Variants in GFI1B observed in about 807,000 individuals in gnomAD.
The protein encoded by GFI1B is growth factor independent 1B transcriptional repressor.
A neutral mutation model predicts 35.3 loss-of-function variants in GFI1B; 20 were observed. That is an observed-to-expected ratio of 0.57 (90% CI 0.40 to 0.82). The LOEUF is 0.82. GFI1B is among the 40% of genes least tolerant of loss of function. GFI1B has a pLI of 0.00. For synonymous variants in GFI1B, 178 were observed against 177.6 expected (o/e 1.00, Z -0.02); for missense variants, 430 against 446.3 (o/e 0.96, Z 0.33).
At chr9:132,945,739 C>T (rs1848067086) in intron 1 of GFI1B, 1 of 153,030 alleles carries the variant, frequency 6.5e-6, no homozygotes, top group African/African-American at 2.4e-5. Context: ...CGGTTTTTAC[C>T]ATTAAAACCG....
At chr9:132,968,306 G>C (rs1416516961) in intron 1 of GFI1B, among the ~76,000 whole-genome samples, 1 of 151,204 alleles carries the variant, frequency 6.6e-6, no homozygotes, top group East Asian at 1.9e-4. Context: ...TTTTTTAGTA[G>C]AGACGAGGCC....
At chr9:132,970,719 A>G (rs2132609142) in intron 1 of GFI1B, among the ~76,000 whole-genome samples, 1 of 152,292 alleles carries the variant, frequency 6.6e-6, no homozygotes, top group South Asian at 2.1e-4. Flanking sequence ...GATGAGGCGT[A>G]TAAAGCCCCT....
intron 1 of GFI1B, among the ~76,000 whole-genome samples, chr9:132,950,716 CACTAT>C (rs1848189464): frequency 1.3e-5 from 2 of 148,768 alleles, no homozygotes; most frequent in Non-Finnish European, 3.0e-5. Context: ...CACTACACTA[CACTAT>C]ACACTATACA....
chr9:132,962,943 G>C (rs939555642), intron 1 of GFI1B, among the ~76,000 whole-genome samples: 1 of 147,630 alleles, frequency 6.8e-6, no homozygotes, highest in Non-Finnish European at 1.5e-5. Context: ...ATAGCCAGGC[G>C]TGGTGGCACC....
chr9:132,958,482 C>T (rs1251633285), intron 1 of GFI1B, among the ~76,000 whole-genome samples: 2 of 152,124 alleles, frequency 1.3e-5, no homozygotes, highest in Non-Finnish European at 2.9e-5. Flanking sequence ...AAGAAAGAGA[C>T]AGCGAGGAGG....
In GFI1B at chr9:132,988,234, C is replaced by T. The variant is rs778039091; in HGVS notation, c.276C>T (p.Asp92=). The change falls in exon 4 of 7, where the codon GAC becomes GAT. Residue 92 remains aspartate, a synonymous_variant. Transcript: ENST00000372122. Reference sequence around the variant, plus strand: ...TGCTGTCCCGACCCCAGGATGGGGACTCTCCACTGTCCGACTCACCCCCAT... The same window carrying T: ...TGCTGTCCCGACCCCAGGATGGGGATTCTCCACTGTCCGACTCACCCCCAT... ...PIVLSRPQDG[D]SPLSDSPPFY... 2.5e-6 allele frequency: 4 copies of T among 1,613,812 alleles called. No homozygotes were observed. The highest frequency in any genetic ancestry group is 1.7e-5 in the Admixed American group (1 of 60,000).
At chr9:132,976,475 GT>G (rs1332501706), upstream of GFI1B, 6 of 152,220 alleles carry the variant, frequency 3.9e-5, no homozygotes, top group African/African-American at 1.2e-4. Flanking sequence ...CTCAAGATGT[GT>G]CCCTGGCTGG....
At chr9:132,983,490 C>T (rs556427718) in intron 1 of GFI1B, among the ~76,000 whole-genome samples, 23 of 152,216 alleles carry the variant, frequency 1.5e-4, no homozygotes, top group African/African-American at 2.9e-4. Context: ...CCACTGCACC[C>T]GGCCTGATTT....
chr9:132,985,093 C>A (rs916285007), intron 1 of GFI1B, among the ~76,000 whole-genome samples: 2 of 152,214 alleles, frequency 1.3e-5, no homozygotes, highest in African/African-American at 4.8e-5. Context: ...ACTCCTCTGA[C>A]GCCTCAGGCA....
At chr9:132,968,801 T>A (rs117432192) in intron 1 of GFI1B, among the ~76,000 whole-genome samples, 307 of 152,292 alleles carry the variant, frequency 2.0e-3, no homozygotes, top group Non-Finnish European at 3.7e-3. Context: ...TTAATTGTTA[T>A]AAAGTACACA....
chr9:132,967,942 G>A (rs898413414), intron 1 of GFI1B, among the ~76,000 whole-genome samples: 9 of 151,842 alleles, frequency 5.9e-5, no homozygotes, highest in African/African-American at 2.2e-4. Context: ...CACCACGCCC[G>A]GCTAATTTTT....
rs772087209 is a variant in GFI1B, at chr9:132,991,056, C to T, written c.*6C>T. 3.2e-5 allele frequency: 52 copies of T among 1,611,730 alleles called. No individual in the cohort carries two copies. In the Admixed American group the frequency reaches 6.0e-4, roughly 19 times the overall value. ...GCCAGCACAATCTCAAGTGAGGCTG[C>T]GCCGGCTCCCAGCTCCTGGCCAGCC... On this transcript the variant is annotated 3_prime_UTR_variant, in exon 7 of 7. Coordinates refer to ENST00000372122, the MANE Select transcript of GFI1B (RefSeq NM_001377304.1).
At position 132,954,503 on chromosome 9, in the gene GFI1B, A is replaced by C. The variant is rs540002805; in HGVS notation, c.-701+8834A>C. Among the ~76,000 whole-genome samples, 26 of 150,126 alleles carry C rather than the reference A, an allele frequency of 1.7e-4. 1 individual carries two copies. In the South Asian group the frequency reaches 5.6e-3, roughly 32 times the overall value. ...GGCAAGAGAATCACTTGAACCCAGG[A>C]GGCAGAAGTTGCAGTGAGCTGAGAT... On this transcript the variant is annotated intron_variant, in intron 1 of 10. Coordinates refer to the GFI1B transcript ENST00000339463.
At position 132,988,373 on chromosome 9, in the gene GFI1B, G is replaced by C. The variant is rs140090505; in HGVS notation, c.415G>C (p.Gly139Arg). The change falls in exon 4 of 7, where the codon GGC (glycine) becomes CGC (arginine). Residue 139 changes from glycine (G) to arginine (R), a missense_variant. Physicochemically the swap from Gly to Arg is moderately radical, Grantham distance 125. Coordinates refer to ENST00000372122, the MANE Select transcript of GFI1B (RefSeq NM_001377304.1). ...CCTGGAGCACTCCGTCAGCCTGTACGGCAGTCCTCTTGTGCCCAGCACTGA... is the reference window on the plus strand; with the variant it reads ...CCTGGAGCACTCCGTCAGCCTGTACCGCAGTCCTCTTGTGCCCAGCACTGA... The part of the protein sequence containing the change: ...AFLEHSVSLY[G>R]SPLVPSTEPA... The C allele has an allele frequency of 6.2e-6, 10 of 1,613,994 alleles. No individual in the cohort carries two copies. Among genetic ancestry groups the C allele is most frequent in the Non-Finnish European group, 8.5e-6 (10 of 1,179,970 alleles).
chr9:132,961,077 C>T (rs1280767187), intron 1 of GFI1B, among the ~76,000 whole-genome samples: 1 of 152,156 alleles, frequency 6.6e-6, no homozygotes, highest in African/African-American at 2.4e-5. Context: ...TCCCTCTCCA[C>T]ACCCTACACC....
intron 1 of GFI1B, among the ~76,000 whole-genome samples, chr9:132,970,140 T>C (rs947309220): frequency 6.6e-6 from 1 of 152,122 alleles, no homozygotes; most frequent in Non-Finnish European, 1.5e-5. Flanking sequence ...TGCAAAGGGG[T>C]GCACATTCTC....
At chr9:132,974,330 G>A (rs1848587324), upstream of GFI1B, among the ~76,000 whole-genome samples, 1 of 152,134 alleles carries the variant, frequency 6.6e-6, no homozygotes, top group Non-Finnish European at 1.5e-5. Context: ...AGGCGCGGTG[G>A]CTCACACCTG....
rs1043074097 is a variant in GFI1B at position 132,987,154 on chromosome 9, C to T, written c.101-128C>T. 3.1e-5 allele frequency: 33 copies of T among 1,055,362 alleles called. 1 individual carries two copies. The South Asian group carries it at 3.7e-4, about 12-fold the overall frequency. 65.4% of individuals were successfully genotyped at this position (1,055,362 alleles called of 1,614,324 possible). On this transcript the variant is annotated intron_variant, in intron 2 of 6. Coordinates refer to ENST00000372122, the MANE Select transcript of GFI1B (RefSeq NM_001377304.1). The stretch of plus-strand genomic sequence containing the variant: ...CTGGGCAGAGCCCGGGAGTGTGAGC[C>T]GCCAGAAGCAGCGGCACGTGGCTGT...
At chr9:132,970,478 A>G (rs1848517261) in intron 1 of GFI1B, among the ~76,000 whole-genome samples, 1 of 152,096 alleles carries the variant, frequency 6.6e-6, no homozygotes. Context: ...GCTTGTTGGG[A>G]AGAGCACAGA....
Sources: allele counts gnomAD v4.1 joint callset (sites outside exome capture counted in the v4.1 genomes callset), GRCh38; gene constraint gnomAD v4.1.1; transcripts MANE v1.5; gene names NCBI Gene and HGNC (gene_info 2026-07-23, HGNC 2026-07-21).